ZRANB1: variants seen among roughly 807,000 people sequenced by gnomAD.
ZRANB1 encodes the protein ubiquitin thioesterase ZRANB1.
A neutral mutation model predicts 80.5 loss-of-function variants in ZRANB1; 16 were observed. The observed-to-expected ratio is 0.20, with a 90% CI of 0.13 to 0.30. The LOEUF (loss-of-function observed/expected upper bound fraction) is 0.30, where lower values mean the gene tolerates loss of function less well. Among genes scored for constraint, ZRANB1 ranks in the 10% least tolerant of loss-of-function variants. The pLI is 1.00. For missense variants in ZRANB1, 576 were observed against 862.6 expected (o/e 0.67, Z 4.16); for synonymous variants, 291 against 293.1 (o/e 0.99, Z 0.07).
upstream of ZRANB1, among the ~76,000 whole-genome samples, chr10:124,938,846 A>G (rs536485241): frequency 2.0e-5 from 3 of 151,958 alleles, no homozygotes; most frequent in African/African-American, 7.3e-5. Flanking sequence ...AGCTGGGACT[A>G]TAGGCACAGG....
chr10:124,956,607 T>C (rs1951689284), intron 1 of ZRANB1, among the ~76,000 whole-genome samples: 1 of 152,206 alleles, frequency 6.6e-6, no homozygotes, highest in Non-Finnish European at 1.5e-5. Context: ...TAGCTGGGAC[T>C]ATAGGCAAGC....
At chr10:124,976,702 G>T (rs1951879553) in intron 5 of ZRANB1, among the ~76,000 whole-genome samples, 1 of 151,214 alleles carries the variant, frequency 6.6e-6, no homozygotes, top group African/African-American at 2.4e-5. Context: ...CTTCGAAGTA[G>T]CTGGGATTAC....
At chr10:124,936,367 C>T in the ZRANB1 span, among the ~76,000 whole-genome samples, 1 of 152,126 alleles carries the variant, frequency 6.6e-6, no homozygotes, top group African/African-American at 2.4e-5. Context: ...AGATAGAAAC[C>T]ACTAGAAAGA....
rs1418301961 is a variant in ZRANB1, at chr10:124,988,067, T to C, written c.*3075T>C. On this transcript the variant is annotated 3_prime_UTR_variant, in exon 9 of 9. Transcript: ENST00000359653. ...CAGAACTCTAAAAGTTGAGCAACTT[T>C]GTTTTTTTTTGAATTGATTTAGCAC... 6.8e-6 allele frequency: 1 copy of C among 146,082 alleles called. No individual in the cohort carries two copies. The highest frequency in any genetic ancestry group is 1.5e-5 in the Non-Finnish European group (1 of 66,588). 9.0% of individuals were successfully genotyped at this position (146,082 alleles called of 1,614,324 possible).
rs1952007223 is a variant in ZRANB1, at chr10:124,985,249, TG to T, written c.*258del. 1 of 396,950 alleles carries T rather than the reference TG, an allele frequency of 2.5e-6. No individual in the cohort carries two copies. The highest frequency in any genetic ancestry group is 2.0e-5 in the African/African-American group (1 of 49,302). The allele number at this position is 396,950 out of a possible 1,614,324, so 24.6% of individuals were successfully genotyped here. A position where few individuals can be genotyped will look rare whatever the true frequency, so the allele number is the denominator to read the frequency against. The stretch of plus-strand genomic sequence containing the variant: ...GACAGAACTTTTTTTCCTTCCAAAT[TG>T]TAAATCTGTCTATAAATGTAACGCA... On this transcript the variant is annotated 3_prime_UTR_variant, in exon 9 of 9. Transcript: ENST00000359653.
intron 5 of ZRANB1, among the ~76,000 whole-genome samples, chr10:124,976,694 T>C (rs1951879409): frequency 6.7e-6 from 1 of 149,090 alleles, no homozygotes; most frequent in Non-Finnish European, 1.5e-5. Context: ...GCCTCAGCCT[T>C]CGAAGTAGCT....
the ZRANB1 span, among the ~76,000 whole-genome samples, chr10:124,917,633 G>T: frequency 4.1e-4 from 62 of 152,158 alleles, no homozygotes; most frequent in Non-Finnish European, 7.6e-4. Context: ...CTCCCACTCC[G>T]CAATAGGCCG....
At chr10:124,936,608 C>T in the ZRANB1 span, among the ~76,000 whole-genome samples, 5 of 152,054 alleles carry the variant, frequency 3.3e-5, no homozygotes, top group Admixed American at 1.3e-4. Flanking sequence ...TGGTCTAGAC[C>T]GGTTGTTTTT....
rs546005413 is a variant in ZRANB1 at position 124,942,256 on chromosome 10, T to C, written c.-238T>C. 34 of 1,348,402 alleles carry C rather than the reference T, an allele frequency of 2.5e-5. No homozygotes were observed. The Admixed American group carries it at 9.1e-4, about 36-fold the overall frequency. The allele number at this position is 1,348,402 out of a possible 1,614,324, so 83.5% of individuals were successfully genotyped here. On this transcript the variant is annotated 5_prime_UTR_variant, in exon 1 of 9. Coordinates refer to ENST00000359653, the MANE Select transcript of ZRANB1 (RefSeq NM_017580.3). ...AGTTCAGTTTTATTAAATCCCAGGGTCTAAGATTTTTTCTTTGAGAATTTA... is the reference window on the plus strand; with the variant it reads ...AGTTCAGTTTTATTAAATCCCAGGGCCTAAGATTTTTTCTTTGAGAATTTA...
In ZRANB1 at chr10:124,973,552, A is replaced by C. The variant is rs1357003430; in HGVS notation, c.1157-93A>C. The C allele has an allele frequency of 2.2e-5, 24 of 1,084,482 alleles. No individual in the cohort carries two copies. In the Admixed American group the frequency reaches 5.5e-4, roughly 25 times the overall value. 67.2% of individuals were successfully genotyped at this position (1,084,482 alleles called of 1,614,324 possible). ...ATGGAAAGGGAGTTATTTTAGAGAAAGTTACTAGTAGGTAATTAATAAGTG... is the reference window on the plus strand; with the variant it reads ...ATGGAAAGGGAGTTATTTTAGAGAACGTTACTAGTAGGTAATTAATAAGTG... On this transcript the variant is annotated intron_variant, in intron 3 of 8. Transcript: ENST00000359653.
At chr10:124,944,049 A>G (rs1025667604) in intron 1 of ZRANB1, among the ~76,000 whole-genome samples, 4 of 152,216 alleles carry the variant, frequency 2.6e-5, no homozygotes, top group African/African-American at 9.7e-5. Context: ...GTTATGGTTC[A>G]TATGTATTGT....
intron 1 of ZRANB1, among the ~76,000 whole-genome samples, chr10:124,966,177 AG>A (rs1951773973): frequency 6.6e-6 from 1 of 152,152 alleles, no homozygotes; most frequent in Non-Finnish European, 1.5e-5. Flanking sequence ...TGTAAAGGGC[AG>A]GAGGAGCTCA....
intron 2 of ZRANB1, among the ~76,000 whole-genome samples, chr10:124,970,645 A>G (rs1951815775): frequency 6.6e-6 from 1 of 152,140 alleles, no homozygotes; most frequent in Admixed American, 6.6e-5. Context: ...AATAGCAGTT[A>G]GTTGTCTGCA....
At chr10:124,948,540 C>T (rs1168326184) in intron 1 of ZRANB1, among the ~76,000 whole-genome samples, 1 of 151,426 alleles carries the variant, frequency 6.6e-6, no homozygotes, top group African/African-American at 2.4e-5. Context: ...ATAAATAAGC[C>T]TCAAGCCTTT....
chr10:124,956,091 C>T (rs1056444411), intron 1 of ZRANB1, among the ~76,000 whole-genome samples: 3 of 152,084 alleles, frequency 2.0e-5, no homozygotes, highest in African/African-American at 7.2e-5. Flanking sequence ...TAGTAATGTG[C>T]CTTTTTATGC....
In ZRANB1 at chr10:124,986,288, C is replaced by T. The variant is rs1371032035; in HGVS notation, c.*1296C>T. 1 of 16,026 alleles carries T rather than the reference C, an allele frequency of 6.2e-5. No individual in the cohort carries two copies. Among genetic ancestry groups the T allele is most frequent in the East Asian group, 2.1e-3 (1 of 468 alleles). 1.0% of individuals were successfully genotyped at this position (16,026 alleles called of 1,614,324 possible). On this transcript the variant is annotated 3_prime_UTR_variant, in exon 9 of 9. Coordinates refer to ENST00000359653, the MANE Select transcript of ZRANB1 (RefSeq NM_017580.3). Reference sequence around the variant, plus strand: ...GAAAGACGACACACGCACGCGCGCGCGCGCACACACACACACACACACACA... The same window carrying T: ...GAAAGACGACACACGCACGCGCGCGTGCGCACACACACACACACACACACA...
At chr10:124,949,565 A>C (rs1293997478) in intron 1 of ZRANB1, among the ~76,000 whole-genome samples, 1 of 137,910 alleles carries the variant, frequency 7.3e-6, no homozygotes, top group Non-Finnish European at 1.5e-5. Context: ...TCTGTTGCCC[A>C]TGCTGGAGTG....
At chr10:124,919,613 C>CTCCTCCT in the ZRANB1 span, among the ~76,000 whole-genome samples, 1 of 131,610 alleles carries the variant, frequency 7.6e-6, no homozygotes, top group African/African-American at 3.0e-5. Context: ...CCTCCTCCTC[C>CTCCTCCT]TTTTTTTTTT....
At chr10:124,935,748 A>G in the ZRANB1 span, among the ~76,000 whole-genome samples, 1 of 152,218 alleles carries the variant, frequency 6.6e-6, no homozygotes, top group Non-Finnish European at 1.5e-5. Flanking sequence ...AAGTCATTCA[A>G]CATGGCCTCT....
Sources: allele counts gnomAD v4.1 joint callset (sites outside exome capture counted in the v4.1 genomes callset), GRCh38; gene constraint gnomAD v4.1.1; transcripts MANE v1.5; gene names NCBI Gene and HGNC (gene_info 2026-07-23, HGNC 2026-07-21).